Variants in TNR observed in about 807,000 individuals in gnomAD.
TNR encodes the protein tenascin-R.
TNR carries 45 observed loss-of-function variants against 150.4 expected under a neutral mutation model. That is an observed-to-expected ratio of 0.30 (90% CI 0.24 to 0.38). The LOEUF (loss-of-function observed/expected upper bound fraction) is 0.38. Among genes scored for constraint, TNR ranks in the 10% least tolerant of loss-of-function variants. The pLI is 1.00. For missense variants in TNR, 1,544 were observed against 1,759.1 expected, an observed-to-expected ratio of 0.88 and a Z score of 2.19; for synonymous variants, 687 against 678.4, an observed-to-expected ratio of 1.01 and a Z score of -0.20.
chr1:175,323,225 C>T lies in TNR; in HGVS notation c.*132G>A, dbSNP rs1037521439. 13 of 1,207,798 alleles carry T rather than the reference C, an allele frequency of 1.1e-5. No individual in the cohort carries two copies. Among genetic ancestry groups the T allele is most frequent in the Non-Finnish European group, 1.4e-5 (12 of 887,346 alleles). 74.8% of individuals were successfully genotyped at this position (1,207,798 alleles called of 1,614,324 possible). ...GCAGATGTTAGCCAGCGGATTCCTG[C>T]GACATCCCTGCTTCCTTCACATACT... On this transcript the variant is annotated 3_prime_UTR_variant, in exon 23 of 23. Transcript: ENST00000367674.
intron 1 of TNR, among the ~76,000 whole-genome samples, chr1:175,721,191 C>T (rs896607575): frequency 1.3e-5 from 2 of 152,164 alleles, no homozygotes; most frequent in African/African-American, 2.4e-5. Context: ...TAAAGCAGCC[C>T]CACCTCTACT....
rs138036778 is a variant in TNR, at chr1:175,417,813, A to G, written c.-63-11036T>C. ...TTCATGCTGTTTCCAATTATATAGCATAACTATATTGGAGTTGATCCTTCC... is the reference window on the plus strand; with the variant it reads ...TTCATGCTGTTTCCAATTATATAGCGTAACTATATTGGAGTTGATCCTTCC... On this transcript the variant is annotated intron_variant, in intron 2 of 22. Coordinates refer to ENST00000367674, the MANE Select transcript of TNR (RefSeq NM_003285.3). Among the ~76,000 whole-genome samples the G allele has an allele frequency of 2.6e-5, 4 of 152,346 alleles. No individual in the cohort carries two copies. In the East Asian group the frequency reaches 7.7e-4, roughly 29 times the overall value.
In TNR at chr1:175,403,201, T is replaced by G. The variant is rs746993093; in HGVS notation, c.915A>C (p.Gly305=). The change falls in exon 4 of 23, where the codon GGA becomes GGC. Residue 305 remains glycine, a synonymous_variant. Transcript: ENST00000367674. The part of the protein sequence containing the change: ...RQCLNACSGR[G]QCEEGLCVCE... Reference sequence around the variant, plus strand: ...AGACGCAGAGCCCCTCCTCACATTGTCCTCGCCCACTGCAGGCATTCAGAC... The same window carrying G: ...AGACGCAGAGCCCCTCCTCACATTGGCCTCGCCCACTGCAGGCATTCAGAC... The G allele has an allele frequency of 5.1e-5, 83 of 1,613,872 alleles. No homozygotes were observed. In the South Asian group the frequency reaches 8.5e-4, roughly 16 times the overall value.
At chr1:175,326,870 G>A (rs531838214) in intron 21 of TNR, among the ~76,000 whole-genome samples, 2 of 152,040 alleles carry the variant, frequency 1.3e-5, no homozygotes, top group South Asian at 4.2e-4. Flanking sequence ...GTTTCACTGT[G>A]TTAGCCAGGA....
intron 4 of TNR, among the ~76,000 whole-genome samples, chr1:175,398,023 G>A (rs772520241): frequency 6.6e-6 from 1 of 152,190 alleles, no homozygotes; most frequent in Non-Finnish European, 1.5e-5. Flanking sequence ...GTTGTCATAG[G>A]TTTTGAATTT....
chr1:175,661,025 A>G (rs1212509828), intron 1 of TNR, among the ~76,000 whole-genome samples: 1 of 152,232 alleles, frequency 6.6e-6, no homozygotes, highest in Non-Finnish European at 1.5e-5. Flanking sequence ...CGACATTATC[A>G]TGATGCTCAG....
At chr1:175,541,838 G>GA (rs1440308493) in intron 1 of TNR, among the ~76,000 whole-genome samples, 12 of 152,030 alleles carry the variant, frequency 7.9e-5, no homozygotes, top group African/African-American at 2.9e-4. Flanking sequence ...TTTTGCTACT[G>GA]AAAAAATGGG....
chr1:175,695,969 C>CAG (rs1666502824), intron 1 of TNR, among the ~76,000 whole-genome samples: 2 of 138,280 alleles, frequency 1.4e-5, no homozygotes, highest in Admixed American at 7.5e-5. Flanking sequence ...TGCATGGATG[C>CAG]ATGGACAGAT....
At chr1:175,391,168 G>T (rs1331900467) in intron 7 of TNR, 120 bp downstream of exon 7, 1 of 1,296,196 alleles carries the variant, frequency 7.7e-7, no homozygotes, top group Non-Finnish European at 1.1e-6. Flanking sequence ...TACCAGAATT[G>T]TCCCAGCTCT....
In TNR at chr1:175,521,492, G is replaced by T. The variant is rs147965883; in HGVS notation, c.-64+6777C>A. ...CAATTCTGCGTAGATCACTGGGACC[G>T]CAGAAATATTTTCGGCCTCTAAATT... is the stretch of plus-strand genomic sequence containing the variant. On this transcript the variant is annotated intron_variant, in intron 2 of 22. Transcript: ENST00000367674. 7.9e-3 allele frequency among the ~76,000 whole-genome samples: 1,210 copies of T among 152,314 alleles called. 9 individuals carry two copies. Among genetic ancestry groups the T allele is most frequent in the Middle Eastern group, 0.017 (5 of 294 alleles).
At chr1:175,379,316 G>C (rs1476451396) in intron 9 of TNR, among the ~76,000 whole-genome samples, 3 of 152,068 alleles carry the variant, frequency 2.0e-5, no homozygotes, top group East Asian at 3.9e-4. Flanking sequence ...CTGAAATTGT[G>C]CCACTGCACT....
intron 2 of TNR, among the ~76,000 whole-genome samples, chr1:175,443,402 C>T (rs1410281925): frequency 1.3e-5 from 2 of 152,178 alleles, no homozygotes; most frequent in African/African-American, 4.8e-5. Context: ...CCTACCTCTA[C>T]TAACTGCTCA....
intron 1 of TNR, among the ~76,000 whole-genome samples, chr1:175,741,430 C>T (rs1667930135): frequency 6.6e-6 from 1 of 152,156 alleles, no homozygotes; most frequent in African/African-American, 2.4e-5. Context: ...ACTGCAAGGG[C>T]ATAATTTTTT....
intron 2 of TNR, among the ~76,000 whole-genome samples, chr1:175,452,264 G>A (rs1656360923): frequency 6.6e-6 from 1 of 152,198 alleles, no homozygotes; most frequent in Non-Finnish European, 1.5e-5. Context: ...CACTGTTCTG[G>A]GCTCTGAGGC....
rs769303949 is a variant in TNR at position 175,363,818 on chromosome 1, G to T, written c.2597C>A (p.Pro866His). The T allele has an allele frequency of 6.2e-6, 10 of 1,611,236 alleles. No homozygotes were observed. The highest frequency in any genetic ancestry group is 5.5e-5 in the South Asian group (5 of 90,494). Residue 866 changes from proline (P) to histidine (H), a missense_variant, in exon 13 of 23, where the codon CCC (proline) becomes CAC (histidine). By Grantham distance (77) the Pro-to-His change is moderately conservative (BLOSUM62 -2). Around this residue, in one of 2 missense-constraint regions of TNR, gnomAD observed 1,254 missense variants for 1,329.4 expected, o/e 0.94. Transcript: ENST00000367674. Reference protein sequence around the residue: ...IVGSITTGIDPPKDITISNVT... With the variant: ...IVGSITTGIDHPKDITISNVT... Reference sequence around the variant, plus strand: ...ATTGCTAATTGTGATGTCTTTTGGGGGATCAATTCCTACAAGGACCCAGTG... The same window carrying T: ...ATTGCTAATTGTGATGTCTTTTGGGTGATCAATTCCTACAAGGACCCAGTG...
intron 2 of TNR, among the ~76,000 whole-genome samples, chr1:175,467,020 C>A (rs1251489824): frequency 4.6e-5 from 7 of 152,038 alleles, no homozygotes. Context: ...GCTGGGATTC[C>A]AGGGCCTGGC....
At chr1:175,468,486 C>T (rs1657130237) in intron 2 of TNR, among the ~76,000 whole-genome samples, 1 of 152,152 alleles carries the variant, frequency 6.6e-6, no homozygotes, top group Non-Finnish European at 1.5e-5. Flanking sequence ...CAATATGGCT[C>T]CTGATCCCAA....
At position 175,315,313 on chromosome 1, in the gene TNR, A is replaced by G. The variant is rs74126975; in HGVS notation, c.*8044T>C. 2 of 152,258 alleles carry G rather than the reference A, an allele frequency of 1.3e-5. No individual in the cohort carries two copies. The highest frequency in any genetic ancestry group is 6.5e-5 in the Admixed American group (1 of 15,288). The allele number at this position is 152,258 out of a possible 1,614,324, so 9.4% of individuals were successfully genotyped here. ...ACAATGGTTAACAAGCAGAGATTCC[A>G]GTCTTTGAGCTACAGTGCCATGAAA... is the stretch of plus-strand genomic sequence containing the variant. On this transcript the variant is annotated 3_prime_UTR_variant, in exon 23 of 23. Transcript: ENST00000367674.
At chr1:175,708,604 A>C (rs973307124) in intron 1 of TNR, among the ~76,000 whole-genome samples, 17 of 152,184 alleles carry the variant, frequency 1.1e-4, no homozygotes, top group Non-Finnish European at 2.1e-4. Flanking sequence ...TCGTGGAAAT[A>C]AAAGGATGTG....
Sources: allele counts gnomAD v4.1 joint callset (sites outside exome capture counted in the v4.1 genomes callset), GRCh38; gene constraint gnomAD v4.1.1; regional missense constraint gnomAD v4.1.1; transcripts MANE v1.5; gene names NCBI Gene and HGNC (gene_info 2026-07-23, HGNC 2026-07-21).